LBR: variants seen among roughly 807,000 people sequenced by gnomAD.
LBR encodes delta(14)-sterol reductase LBR.
Under a neutral mutation model 74.3 loss-of-function variants are expected in LBR, and 28 were observed. The ratio of observed to expected loss-of-function variants is 0.38; its 90% confidence interval spans 0.28 to 0.52. The LOEUF (loss-of-function observed/expected upper bound fraction) is 0.52. LBR is among the 20% of genes least tolerant of loss of function. The pLI, the probability that LBR is intolerant of heterozygous loss-of-function variation, is 0.89. For missense variants in LBR, 717 were observed against 760.3 expected, an observed-to-expected ratio of 0.94 and a Z score of 0.67; for synonymous variants, 228 against 269.3, an observed-to-expected ratio of 0.85 and a Z score of 1.50.
intron 3 of LBR, among the ~76,000 whole-genome samples, chr1:225,421,247 A>G (rs1425014591): frequency 6.6e-6 from 1 of 152,240 alleles, no homozygotes; most frequent in Non-Finnish European, 1.5e-5. Flanking sequence ...TAATCCCAGC[A>G]CTTTGGGAGG....
rs1279107872 is a variant in LBR, at chr1:225,402,467, G to C, written c.*836C>G. 6.6e-6 allele frequency: 1 copy of C among 152,290 alleles called. No homozygotes were observed. The highest frequency in any genetic ancestry group is 1.5e-5 in the Non-Finnish European group (1 of 67,970). 9.4% of individuals were successfully genotyped at this position (152,290 alleles called of 1,614,324 possible). ...TAGCAAAGCCAAATTCACAAACTTTGGATCAAGAAAAATACCCTTCCTATG... is the reference window on the plus strand; with the variant it reads ...TAGCAAAGCCAAATTCACAAACTTTCGATCAAGAAAAATACCCTTCCTATG... On this transcript the variant is annotated 3_prime_UTR_variant, in exon 14 of 14. Transcript: ENST00000272163.
chr1:225,412,913 A>G (rs2096109177), intron 7 of LBR, among the ~76,000 whole-genome samples: 1 of 152,176 alleles, frequency 6.6e-6, no homozygotes, highest in Admixed American at 6.5e-5. Flanking sequence ...AATTAAGGGA[A>G]AACAGACAAG....
chr1:225,409,665 A>C (rs918844117), intron 10 of LBR, among the ~76,000 whole-genome samples: 2 of 152,266 alleles, frequency 1.3e-5, no homozygotes, highest in Non-Finnish European at 2.9e-5. Flanking sequence ...AATACTTGTA[A>C]AATAAGCCTG....
chr1:225,404,352 CAT>C (rs1203459888), intron 13 of LBR, 50 bp downstream of exon 13: 23 of 1,611,820 alleles, frequency 1.4e-5, no homozygotes, highest in East Asian at 1.3e-4. Context: ...CACACACACA[CAT>C]CTTTCTGGCG....
chr1:225,424,117 A>G (rs201672259), intron 1 of LBR, 28 bp from the exon 2 acceptor site: 155 of 1,512,324 alleles, frequency 1.0e-4, no homozygotes, highest in Admixed American at 5.2e-4. Context: ...AAAAAATTTG[A>G]GTCAATACAT....
At chr1:225,417,805 A>C in intron 6 of LBR, 179 bp downstream of exon 6, 1 of 613,330 alleles carries the variant, frequency 1.6e-6, no homozygotes. Context: ...ATTATGACCA[A>C]CAACAGCCTT....
rs2096144407 is a variant in LBR, at chr1:225,428,032, C to T, written c.-93G>A. 6.6e-6 allele frequency: 1 copy of T among 151,978 alleles called. No individual in the cohort carries two copies. The highest frequency in any genetic ancestry group is 2.4e-5 in the African/African-American group (1 of 41,390). 9.4% of individuals were successfully genotyped at this position (151,978 alleles called of 1,614,324 possible). ...CAACCCGGCGGCAGATCCACGCGCG[C>T]GACGCTACCCGGCCGCGCTCTCGCG... On this transcript the variant is annotated 5_prime_UTR_variant, in exon 1 of 14. Coordinates refer to ENST00000272163, the MANE Select transcript of LBR (RefSeq NM_002296.4).
chr1:225,411,378 G>A lies in LBR; in HGVS notation c.1147C>T (p.Leu383Phe), dbSNP rs2096105123. ...ELNPRIGTFDLKYFCELRPGL... is the reference protein window; with the variant it reads ...ELNPRIGTFDFKYFCELRPGL... ...GGGCGCAATTCACAAAAGTATTTGA[G>A]ATCAAAAGTACCAATTCGAGGGTTT... Residue 383 changes from leucine (L) to phenylalanine (F), a missense_variant, in exon 9 of 14, where the codon CTC becomes TTC. Coordinates refer to ENST00000272163, the MANE Select transcript of LBR (RefSeq NM_002296.4). 1.2e-6 allele frequency: 2 copies of A among 1,613,942 alleles called. No individual in the cohort carries two copies. Among genetic ancestry groups the A allele is most frequent in the Non-Finnish European group, 1.7e-6 (2 of 1,179,898 alleles).
intron 11 of LBR, among the ~76,000 whole-genome samples, chr1:225,405,927 T>C (rs2096090538): frequency 6.6e-6 from 1 of 152,198 alleles, no homozygotes; most frequent in Non-Finnish European, 1.5e-5. Flanking sequence ...CACTGCTAAT[T>C]TTCCCTGCCC....
In LBR at chr1:225,421,020, T is replaced by C. The variant is rs191857823; in HGVS notation, c.366+1057A>G. On this transcript the variant is annotated intron_variant, in intron 3 of 13. Transcript: ENST00000272163. ...AAGGAAAAACACTAAATGTCTATCATTGACAGAGCTGACTTTAACGATTAA... is the reference window on the plus strand; with the variant it reads ...AAGGAAAAACACTAAATGTCTATCACTGACAGAGCTGACTTTAACGATTAA... Among the ~76,000 whole-genome samples the C allele has an allele frequency of 1.9e-3, 283 of 152,328 alleles. 3 individuals carry two copies. Among genetic ancestry groups the C allele is most frequent in the Non-Finnish European group, 4.6e-4 (31 of 68,038 alleles).
intron 6 of LBR, among the ~76,000 whole-genome samples, chr1:225,415,669 A>T (rs1188531361): frequency 6.6e-6 from 1 of 152,170 alleles, no homozygotes; most frequent in Non-Finnish European, 1.5e-5. Flanking sequence ...TATCTAGTGG[A>T]TCCCTAGCTC....
chr1:225,420,153 C>A (rs1169989328), intron 3 of LBR, among the ~76,000 whole-genome samples: 2 of 151,896 alleles, frequency 1.3e-5, no homozygotes, highest in Non-Finnish European at 2.9e-5. Context: ...ACTAAAAATA[C>A]AAAAAAATTA....
rs2096092426 is a variant in LBR, at chr1:225,406,699, G to T, written c.1448C>A (p.Ser483Tyr). Residue 483 changes from serine to tyrosine, a missense_variant, in exon 11 of 14, where the codon TCT becomes TAT. Physicochemically the swap from Ser to Tyr is moderately radical, Grantham distance 144 (BLOSUM62 -2). Transcript: ENST00000272163. ...AATAATTAGAGAAGCCATTGGCCAAGACACTTCATTTGGATGACTGACTAA... is the reference window on the plus strand; with the variant it reads ...AATAATTAGAGAAGCCATTGGCCAATACACTTCATTTGGATGACTGACTAA... ...FYLVSHPNEV[S>Y]WPMASLIIVL... 6.2e-7 allele frequency: 1 copy of T among 1,613,600 alleles called. No homozygotes were observed. The highest frequency in any genetic ancestry group is 8.5e-7 in the Non-Finnish European group (1 of 1,179,930).
At chr1:225,426,840 C>T (rs958757546) in intron 1 of LBR, among the ~76,000 whole-genome samples, 2 of 152,226 alleles carry the variant, frequency 1.3e-5, no homozygotes, top group African/African-American at 2.4e-5. Flanking sequence ...TCCCCATAAA[C>T]ATCCTTGGGC....
chr1:225,412,194 G>GT (rs1431789391), intron 8 of LBR, among the ~76,000 whole-genome samples: 1 of 152,192 alleles, frequency 6.6e-6, no homozygotes, highest in Non-Finnish European at 1.5e-5. Context: ...CAAAATGCCT[G>GT]TAAGTTTACT....
intron 3 of LBR, among the ~76,000 whole-genome samples, chr1:225,420,462 A>G (rs188961484): frequency 7.4e-4 from 112 of 152,322 alleles, no homozygotes; most frequent in Middle Eastern, 3.4e-3. Flanking sequence ...AGACATTCAA[A>G]AAGACATTCA....
chr1:225,406,160 C>T (rs941730832), intron 11 of LBR, among the ~76,000 whole-genome samples: 2 of 152,084 alleles, frequency 1.3e-5, no homozygotes, highest in African/African-American at 4.8e-5. Context: ...AAACTCCAAT[C>T]GAACACCATA....
chr1:225,404,704 A>C lies in LBR; in HGVS notation c.1486T>G (p.Cys496Gly). 6.2e-7 allele frequency: 1 copy of C among 1,601,810 alleles called. No individual in the cohort carries two copies. The highest frequency in any genetic ancestry group is 8.5e-7 in the Non-Finnish European group (1 of 1,170,548). The change falls in exon 12 of 14, where the codon TGT (cysteine) becomes GGT (glycine). Residue 496 changes from cysteine to glycine, a missense_variant and splice_region_variant. Cys to Gly is a radical substitution (Grantham distance 159). Coordinates refer to ENST00000272163, the MANE Select transcript of LBR (RefSeq NM_002296.4). ...MASLIIVLKLCGYVIFRGANS... is the reference protein window; with the variant it reads ...MASLIIVLKLGGYVIFRGANS... ...GCACCTCGGAAGATTACATAACCAC[A>C]AACTGCAATTTTAAAATATTTTCCT...
At chr1:225,423,085 C>T (rs191022546) in intron 2 of LBR, among the ~76,000 whole-genome samples, 21 of 152,250 alleles carry the variant, frequency 1.4e-4, no homozygotes, top group East Asian at 3.9e-4. Flanking sequence ...TAGAAATGCT[C>T]GTTACTAATC....
Sources: gnomAD v4.1 joint callset for allele counts (sites outside exome capture counted in the v4.1 genomes callset) on GRCh38, gnomAD v4.1.1 for gene constraint, MANE v1.5 for transcripts, NCBI Gene and HGNC (gene_info 2026-07-23, HGNC 2026-07-21) for gene names.